The following CEP192 variants were observed in gnomAD, a reference collection of about 807,000 sequenced individuals.
The protein encoded by CEP192 is centrosomal protein 192.
In CEP192, 151 loss-of-function variants were observed where a neutral mutation model predicts 271.8. That is an observed-to-expected ratio of 0.56 (90% CI 0.49 to 0.64). CEP192 has a LOEUF of 0.64. CEP192 is among the 30% of genes least tolerant of loss of function. The probability of loss-of-function intolerance (pLI) is 0.00; values close to 1 mark genes in which losing one functional copy is unlikely to be tolerated. For synonymous variants in CEP192, 995 were observed against 1,076.5 expected, an observed-to-expected ratio of 0.92 and a Z score of 1.48; for missense variants, 2,910 against 3,020.5, an observed-to-expected ratio of 0.96 and a Z score of 0.86.
chr18:13,036,947 A>G (rs113525935), intron 11 of CEP192, among the ~76,000 whole-genome samples: 2 of 152,346 alleles, frequency 1.3e-5, no homozygotes, highest in Middle Eastern at 6.8e-3. Context: ...AAGAGTGCCA[A>G]ACTCTCCAAA....
At chr18:13,048,624 C>G (rs538604595) in intron 15 of CEP192, among the ~76,000 whole-genome samples, 1 of 152,148 alleles carries the variant, frequency 6.6e-6, no homozygotes, top group Non-Finnish European at 1.5e-5. Flanking sequence ...TTCAAACGTT[C>G]CAGCCACAGT....
chr18:13,089,430 T>C, intron 32 of CEP192, 26 bp from the exon 33 acceptor site: 1 of 1,194,348 alleles, frequency 8.4e-7, no homozygotes, highest in Admixed American at 2.4e-5. Context: ...CACTTTTAAA[T>C]AATAAAAAAA....
intron 17 of CEP192, among the ~76,000 whole-genome samples, chr18:13,052,627 A>T (rs1303724733): frequency 1.3e-5 from 2 of 152,030 alleles, no homozygotes; most frequent in South Asian, 4.1e-4. Flanking sequence ...TCATTTCTCT[A>T]TATCAGATAC....
At chr18:13,120,163 CA>C (rs1375006978) in intron 44 of CEP192, among the ~76,000 whole-genome samples, 1 of 152,150 alleles carries the variant, frequency 6.6e-6, no homozygotes, top group Non-Finnish European at 1.5e-5. Context: ...TATTTCATCA[CA>C]ATAGTGCTAC....
intron 3 of CEP192, among the ~76,000 whole-genome samples, chr18:13,004,438 C>A (rs1279857477): frequency 6.6e-6 from 1 of 152,018 alleles, no homozygotes; most frequent in Admixed American, 6.5e-5. Context: ...AGAGGGTAGG[C>A]CACAATGTGC....
At chr18:13,107,728 T>A (rs1243668625) in intron 40 of CEP192, among the ~76,000 whole-genome samples, 2 of 152,218 alleles carry the variant, frequency 1.3e-5, no homozygotes, top group African/African-American at 2.4e-5. Flanking sequence ...TCCAATTGAA[T>A]TGTTTTTATT....
intron 3 of CEP192, among the ~76,000 whole-genome samples, chr18:13,003,451 GAAAAAAA>G (rs545191456): frequency 3.0e-5 from 3 of 101,502 alleles, no homozygotes; most frequent in Non-Finnish European, 4.1e-5. Flanking sequence ...TCTGTCTCAA[GAAAAAAA>G]AAAAAAAAAA....
At chr18:13,104,900 C>T (rs764943687) in intron 39 of CEP192, 84 bp from the exon 40 acceptor site, 228 of 1,022,016 alleles carry the variant, frequency 2.2e-4, no homozygotes, top group Non-Finnish European at 2.9e-4. Flanking sequence ...GTGTGTTCTC[C>T]GCAGCCATAG....
chr18:13,118,927 T>A (rs1435157852), intron 44 of CEP192, among the ~76,000 whole-genome samples: 1 of 152,224 alleles, frequency 6.6e-6, no homozygotes, highest in Non-Finnish European at 1.5e-5. Context: ...TTAATCCCTA[T>A]GACAACTACA....
intron 9 of CEP192, among the ~76,000 whole-genome samples, chr18:13,026,769 C>G (rs1174146380): frequency 6.6e-6 from 1 of 152,128 alleles, no homozygotes; most frequent in Non-Finnish European, 1.5e-5. Context: ...GTTTACATTG[C>G]CACTCTGTTC....
At chr18:13,047,280 T>C (rs1291165708) in intron 15 of CEP192, among the ~76,000 whole-genome samples, 1 of 152,174 alleles carries the variant, frequency 6.6e-6, no homozygotes, top group Non-Finnish European at 1.5e-5. Flanking sequence ...TGGTTTACCT[T>C]TACTGCTGGG....
rs117828124 is a variant in CEP192 at position 13,103,328 on chromosome 18, A to G, written c.6872-181A>G. On this transcript the variant is annotated intron_variant, in intron 38 of 44. Transcript: ENST00000506447. ...TTGCATTATACTTGTAATAAAACCT[A>G]AAAGAGAATATCTGACATACCTGAT... Among the ~76,000 whole-genome samples, 974 of 152,350 alleles carry G rather than the reference A, an allele frequency of 6.4e-3. 8 individuals carry two copies. Among genetic ancestry groups the G allele is most frequent in the Non-Finnish European group, 8.4e-3 (569 of 68,028 alleles).
rs2039610437 is a variant in CEP192 at position 13,099,585 on chromosome 18, C to T, written c.6663+4C>T. ...ACACTGTGACGATGGACAGAAGGTA[C>T]TTTTAAAAGTGGTTTGGTTTTTTTT... On this transcript the variant is annotated splice_donor_region_variant and intron_variant, in intron 37 of 44. Coordinates refer to ENST00000506447, the MANE Select transcript of CEP192 (RefSeq NM_032142.4). The T allele has an allele frequency of 6.8e-7, 1 of 1,473,918 alleles. No individual in the cohort carries two copies. The highest frequency in any genetic ancestry group is 1.3e-5 in the South Asian group (1 of 79,370). The allele number at this position is 1,473,918 out of a possible 1,614,324, so 91.3% of individuals were successfully genotyped here. A position where few individuals can be genotyped will look rare whatever the true frequency, so the allele number is the denominator to read the frequency against.
At position 13,113,332 on chromosome 18, in the gene CEP192, C is replaced by T. The variant is rs1598638903; in HGVS notation, c.7048-254C>T. 3.3e-5 allele frequency among the ~76,000 whole-genome samples: 5 copies of T among 152,280 alleles called. No individual in the cohort carries two copies. In the South Asian group the frequency reaches 1.0e-3, roughly 32 times the overall value. ...TAGTGCTTTCTGATAACATTTCCCCCCACAGTAAAGCATTTATTGTACATT... is the reference window on the plus strand; with the variant it reads ...TAGTGCTTTCTGATAACATTTCCCCTCACAGTAAAGCATTTATTGTACATT... On this transcript the variant is annotated intron_variant, in intron 40 of 44. Transcript: ENST00000506447.
chr18:13,038,460 C>T lies in CEP192; in HGVS notation c.1690C>T (p.Arg564Cys), dbSNP rs1355967216. The T allele has an allele frequency of 7.7e-6, 12 of 1,551,466 alleles. No individual in the cohort carries two copies. The South Asian group carries it at 9.5e-5, about 12-fold the overall frequency. The change falls in exon 13 of 45, where the codon CGT becomes TGT. Residue 564 changes from arginine to cysteine, a missense_variant. By Grantham distance (180) the Arg-to-Cys change is radical (BLOSUM62 -3). Transcript: ENST00000506447. ...TINYSLLRKS[R>C]STSDLDKDDA... ...TAATTACAGTCTGTTGAGGAAATCA[C>T]GTAGCACATCAGATTTGGATAAAGA...
In CEP192 at chr18:13,049,903, CCTT is replaced by C. The variant is rs781716000; in HGVS notation, c.3017+16_3017+18del. ...ACGAGTTCATCAGGGTAAGTGTGTA[CCTT>C]CTTTTTTAAAAAATAAAAATATGCG... On this transcript the variant is annotated intron_variant, in intron 17 of 44. Coordinates refer to ENST00000506447, the MANE Select transcript of CEP192 (RefSeq NM_032142.4). 2.5e-6 allele frequency: 4 copies of C among 1,597,614 alleles called. No individual in the cohort carries two copies. In the South Asian group the frequency reaches 4.5e-5, roughly 18 times the overall value.
At chr18:13,062,595 A>G (rs1281548193) in intron 21 of CEP192, among the ~76,000 whole-genome samples, 1 of 150,584 alleles carries the variant, frequency 6.6e-6, no homozygotes, top group Admixed American at 6.6e-5. Flanking sequence ...TCTTTTATTT[A>G]AAAAATTTTT....
At chr18:13,069,992 C>G in intron 27 of CEP192, 136 bp downstream of exon 27, 1 of 563,698 alleles carries the variant, frequency 1.8e-6, no homozygotes, top group Non-Finnish European at 3.2e-6. Context: ...GAAATCCTGT[C>G]TCTACTAAAA....
intron 15 of CEP192, among the ~76,000 whole-genome samples, chr18:13,042,630 T>G (rs1178799684): frequency 1.3e-5 from 2 of 152,196 alleles, no homozygotes; most frequent in South Asian, 4.1e-4. Context: ...AGAAACAAGT[T>G]TTTTTGCCGC....
Sources: gnomAD v4.1 joint callset for allele counts (sites outside exome capture counted in the v4.1 genomes callset) on GRCh38, gnomAD v4.1.1 for gene constraint, MANE v1.5 for transcripts, NCBI Gene and HGNC (gene_info 2026-07-23, HGNC 2026-07-21) for gene names.